RPN1: variants seen among roughly 807,000 people sequenced by gnomAD.
The protein encoded by RPN1 is ribophorin I.
A neutral mutation model predicts 55.5 loss-of-function variants in RPN1; 12 were observed. That is an observed-to-expected ratio of 0.22 (90% CI 0.14 to 0.35). The LOEUF is 0.35. Among genes scored for constraint, RPN1 ranks in the 10% least tolerant of loss-of-function variants. The pLI, the probability that RPN1 is intolerant of heterozygous loss-of-function variation, is 1.00. For missense variants in RPN1, 679 were observed against 761.3 expected (o/e 0.89, Z 1.27); for synonymous variants, 317 against 305.9 (o/e 1.04, Z -0.38).
intron 6 of RPN1, 117 bp from the exon 7 acceptor site, chr3:128,626,129 C>T: frequency 2.1e-6 from 2 of 966,684 alleles, no homozygotes; most frequent in Non-Finnish European, 3.0e-6. Context: ...TCACACTCCT[C>T]CACTCTGCTC....
At chr3:128,650,221 G>A (rs1576801634) in intron 1 of RPN1, among the ~76,000 whole-genome samples, 1 of 152,204 alleles carries the variant, frequency 6.6e-6, no homozygotes, top group African/African-American at 2.4e-5. Flanking sequence ...CCCAAACAGG[G>A]GCAAGCTCCG....
intron 9 of RPN1, among the ~76,000 whole-genome samples, chr3:128,621,541 CAG>C (rs746106685): frequency 2.0e-4 from 30 of 152,290 alleles, no homozygotes; most frequent in African/African-American, 7.0e-4. Flanking sequence ...GAAATTCACA[CAG>C]AGTGAGGAGA....
rs753924591 is a variant in RPN1 at position 128,622,354 on chromosome 3, G to C, written c.1451C>G (p.Thr484Ser). ...AAGGCCTATTCTCTTGTTGACCAGG[G>C]TCAAGACCTGCTCTGTGATGCAGGC... ...KVACITEQVL[T>S]LVNKRIGLYR... Residue 484 changes from threonine to serine, a missense_variant, in exon 9 of 10, where the codon ACC becomes AGC. By Grantham distance (58) the Thr-to-Ser change is moderately conservative. Transcript: ENST00000296255. 1.9e-5 allele frequency: 30 copies of C among 1,614,080 alleles called. No homozygotes were observed. The highest frequency in any genetic ancestry group is 2.3e-5 in the Non-Finnish European group (27 of 1,180,038).
At chr3:128,646,077 TAC>T (rs1355759617) in intron 1 of RPN1, among the ~76,000 whole-genome samples, 1 of 151,336 alleles carries the variant, frequency 6.6e-6, no homozygotes, top group Non-Finnish European at 1.5e-5. Context: ...ACCCCATCTC[TAC>T]TAAAAAAACA....
intron 3 of RPN1, among the ~76,000 whole-genome samples, chr3:128,636,334 A>C (rs2069682009): frequency 6.6e-6 from 1 of 151,968 alleles, no homozygotes; most frequent in African/African-American, 2.4e-5. Flanking sequence ...GGTAGCGGGC[A>C]CCTGTAATCC....
chr3:128,625,203 C>T (rs1188500354), intron 8 of RPN1, among the ~76,000 whole-genome samples: 1 of 151,990 alleles, frequency 6.6e-6, no homozygotes, highest in Non-Finnish European at 1.5e-5. Context: ...GGAGAGGGGA[C>T]TAAGAGGGGA....
At chr3:128,643,641 C>G (rs2069745175) in intron 2 of RPN1, among the ~76,000 whole-genome samples, 1 of 152,020 alleles carries the variant, frequency 6.6e-6, no homozygotes, top group African/African-American at 2.4e-5. Flanking sequence ...ATTAAAAATA[C>G]AAAAATTAGC....
At chr3:128,644,778 G>C in intron 2 of RPN1, 141 bp downstream of exon 2, 1 of 651,648 alleles carries the variant, frequency 1.5e-6, no homozygotes, top group Non-Finnish European at 2.8e-6. Flanking sequence ...GGGCAACATA[G>C]CTAGACCTCC....
rs1196547081 is a variant in RPN1, at chr3:128,622,308, G to A, written c.1497C>T (p.Thr499=). 1.5e-5 allele frequency: 24 copies of A among 1,614,178 alleles called. No homozygotes were observed. The South Asian group carries it at 1.5e-4, about 10-fold the overall frequency. ...CCCGGGATTGCTTGTACCTATTGACGGTCTCGTCAAAGTGACGGTAAAGGC... is the reference window on the plus strand; with the variant it reads ...CCCGGGATTGCTTGTACCTATTGACAGTCTCGTCAAAGTGACGGTAAAGGC... ...RIGLYRHFDE[T]VNRYKQSRDI... is the part of the protein sequence containing the mutation. Residue 499 remains threonine, a synonymous_variant, in exon 9 of 10, where the codon ACC becomes ACT. Transcript: ENST00000296255.
At chr3:128,626,704 G>T in intron 6 of RPN1, 29 bp downstream of exon 6, 1 of 1,594,668 alleles carries the variant, frequency 6.3e-7, no homozygotes, top group Non-Finnish European at 8.6e-7. Flanking sequence ...GAGAAATCGG[G>T]TGCAAAGGAG....
At position 128,638,139 on chromosome 3, in the gene RPN1, G is replaced by C. The variant is rs1218777599; in HGVS notation, c.327-34C>G. 7.2e-6 allele frequency: 11 copies of C among 1,530,860 alleles called. No individual in the cohort carries two copies. In the Admixed American group the frequency reaches 1.7e-4, roughly 24 times the overall value. The allele number at this position is 1,530,860 out of a possible 1,614,324, so 94.8% of individuals were successfully genotyped here. On this transcript the variant is annotated intron_variant, in intron 2 of 9. Transcript: ENST00000296255. ...AGAACAAGGCAAGAGAAGTAAGAGA[G>C]ACTGAGGATACTGAAAACAGTAGTA...
chr3:128,622,157 CACTT>C lies in RPN1; in HGVS notation c.1641+3_1641+6del. 6.2e-7 allele frequency: 1 copy of C among 1,613,810 alleles called. No homozygotes were observed. The highest frequency in any genetic ancestry group is 1.1e-5 in the South Asian group (1 of 91,048). On this transcript the variant is annotated splice_donor_5th_base_variant and intron_variant, in intron 9 of 9. Transcript: ENST00000296255. ...AGCCAAGCAACTCTGTGACGCCCGACACTTACTCTGTCGCACAGATCAGAGCCCT... is the reference window on the plus strand; with the variant it reads ...AGCCAAGCAACTCTGTGACGCCCGACACTCTGTCGCACAGATCAGAGCCCT...
intron 2 of RPN1, chr3:128,644,658 A>G: frequency 9.5e-6 from 5 of 523,630 alleles, no homozygotes; most frequent in Non-Finnish European, 1.8e-5. Flanking sequence ...TGTCTCAAGA[A>G]AAAAAAAAAA....
rs79507821 is a variant in RPN1, at chr3:128,627,056, G to C, written c.1037-224C>G. ...ACACCGACAGCCACAAGACCTTCAC[G>C]TTATCAGTGTCTGTGAAGGAGAACG... On this transcript the variant is annotated intron_variant, in intron 5 of 9. Transcript: ENST00000296255. 4,003 of 530,128 alleles carry C rather than the reference G, an allele frequency of 7.6e-3. 133 individuals carry two copies. Among genetic ancestry groups the C allele is most frequent in the African/African-American group, 0.068 (3,587 of 52,440 alleles). The allele number at this position is 530,128 out of a possible 1,614,324, so 32.8% of individuals were successfully genotyped here. A position where few individuals can be genotyped will look rare whatever the true frequency, so the allele number is the denominator to read the frequency against.
chr3:128,627,082 C>A, intron 5 of RPN1: 1 of 468,052 alleles, frequency 2.1e-6, no homozygotes, highest in South Asian at 2.3e-5. Context: ...AAGGAGAACG[C>A]AGAGAGAAGA....
intron 4 of RPN1, among the ~76,000 whole-genome samples, 166 bp downstream of exon 4, chr3:128,631,782 G>A (rs1459853437): frequency 2.0e-5 from 3 of 151,850 alleles, no homozygotes; most frequent in African/African-American, 7.3e-5. Context: ...TATATGGGGG[G>A]GTATTTTTTA....
chr3:128,642,932 G>A (rs745434175), intron 2 of RPN1, among the ~76,000 whole-genome samples: 30 of 151,668 alleles, frequency 2.0e-4, no homozygotes, highest in Non-Finnish European at 3.8e-4. Context: ...CAGGAGAATC[G>A]CTTGAACCCC....
chr3:128,648,517 G>A (rs2069786624), intron 1 of RPN1, among the ~76,000 whole-genome samples: 1 of 151,652 alleles, frequency 6.6e-6, no homozygotes, highest in East Asian at 1.9e-4. Context: ...CCAAGATAGC[G>A]CCATTGCACT....
At chr3:128,626,269 C>G (rs62270780) in intron 6 of RPN1, among the ~76,000 whole-genome samples, 2,635 of 152,326 alleles carry the variant, frequency 0.017, 43 homozygotes, top group Admixed American at 0.026. Flanking sequence ...CAAGTTCTCA[C>G]CAGTACTGGC....
Sources: allele counts gnomAD v4.1 joint callset (sites outside exome capture counted in the v4.1 genomes callset), GRCh38; gene constraint gnomAD v4.1.1; transcripts MANE v1.5; gene names NCBI Gene and HGNC (gene_info 2026-07-23, HGNC 2026-07-21).